Variants in RORA observed in about 807,000 individuals in gnomAD.
RORA encodes RAR related orphan receptor A, also known as nuclear receptor ROR-alpha.
A neutral mutation model predicts 69.5 loss-of-function variants in RORA; 7 were observed. The observed-to-expected ratio is 0.10, with a 90% CI of 0.06 to 0.19. RORA has a LOEUF of 0.19. RORA is among the 10% of genes least tolerant of loss of function. The pLI is 1.00. For synonymous variants in RORA, 261 were observed against 240.8 expected (o/e 1.08, Z -0.78); for missense variants, 457 against 663.0 (o/e 0.69, Z 3.41).
intron 1 of RORA, among the ~76,000 whole-genome samples, chr15:60,701,846 A>G (rs1414236265): frequency 6.6e-6 from 1 of 152,220 alleles, no homozygotes; most frequent in East Asian, 1.9e-4. Context: ...TGAGGTTATC[A>G]GAGCCTGTTA....
intron 1 of RORA, among the ~76,000 whole-genome samples, chr15:61,210,090 C>T (rs1167528194): frequency 6.6e-6 from 1 of 152,152 alleles, no homozygotes; most frequent in Admixed American, 6.5e-5. Flanking sequence ...CAGATGCTCC[C>T]GGGATGCTGA....
intron 2 of RORA, among the ~76,000 whole-genome samples, chr15:60,662,806 T>C (rs1276345015): frequency 6.6e-6 from 1 of 152,228 alleles, no homozygotes. Flanking sequence ...TTGTCCATTT[T>C]TGTCCCCCTG....
intron 1 of RORA, among the ~76,000 whole-genome samples, chr15:60,775,908 TCTC>T (rs1413208851): frequency 6.6e-6 from 1 of 152,142 alleles, no homozygotes; most frequent in Non-Finnish European, 1.5e-5. Context: ...GGGAAAAACA[TCTC>T]CTACCTGGGG....
chr15:61,002,731 G>A lies in RORA; in HGVS notation c.166+226322C>T, dbSNP rs559508084. Among the ~76,000 whole-genome samples, 3 of 152,182 alleles carry A rather than the reference G, an allele frequency of 2.0e-5. No homozygotes were observed. In the East Asian group the frequency reaches 5.8e-4, roughly 29 times the overall value. The stretch of plus-strand genomic sequence containing the variant: ...GCAAAGTGAGCATTTCATCCATGGA[G>A]GTGATGCTCCAATTTGAAGAGTTAT... On this transcript the variant is annotated intron_variant, in intron 1 of 10. Coordinates refer to ENST00000335670, the MANE Select transcript of RORA (RefSeq NM_134261.3).
At chr15:60,642,832 C>G (rs951461098) in intron 2 of RORA, among the ~76,000 whole-genome samples, 1 of 152,148 alleles carries the variant, frequency 6.6e-6, no homozygotes, top group African/African-American at 2.4e-5. Context: ...GCTATGATCA[C>G]GCCATTGCAC....
chr15:60,923,312 G>A (rs1892106412), intron 1 of RORA, among the ~76,000 whole-genome samples: 1 of 152,328 alleles, frequency 6.6e-6, no homozygotes, highest in Non-Finnish European at 1.5e-5. Context: ...CCTCTAAGGA[G>A]ATCATGAGTC....
intron 2 of RORA, among the ~76,000 whole-genome samples, chr15:60,639,413 G>T (rs1290171506): frequency 6.6e-6 from 1 of 152,044 alleles, no homozygotes; most frequent in East Asian, 1.9e-4. Flanking sequence ...CCCGTTTCGT[G>T]GGGTGTAGAG....
intron 3 of RORA, among the ~76,000 whole-genome samples, chr15:60,517,101 T>A (rs2065986231): frequency 7.9e-6 from 1 of 126,226 alleles, no homozygotes; most frequent in Non-Finnish European, 1.6e-5. Flanking sequence ...TTCTTTTTGT[T>A]CATCTGTGCT....
At chr15:60,849,113 C>G (rs1395794560) in intron 1 of RORA, 2 of 152,244 alleles carry the variant, frequency 1.3e-5, no homozygotes, top group African/African-American at 4.8e-5. Context: ...CTTTTTGTAT[C>G]CTTTGCTGCT....
chr15:60,965,530 G>T (rs1893530501), intron 1 of RORA, among the ~76,000 whole-genome samples: 1 of 152,150 alleles, frequency 6.6e-6, no homozygotes, highest in Non-Finnish European at 1.5e-5. Flanking sequence ...CACATTGGAA[G>T]AACTTAATAT....
intron 1 of RORA, among the ~76,000 whole-genome samples, chr15:61,009,932 T>C (rs968976364): frequency 2.0e-5 from 3 of 152,032 alleles, no homozygotes; most frequent in African/African-American, 4.8e-5. Flanking sequence ...GGAAAAAAAA[T>C]TGGAGTCTTC....
intron 1 of RORA, among the ~76,000 whole-genome samples, chr15:60,833,782 G>T (rs1013685581): frequency 4.6e-5 from 7 of 152,230 alleles, no homozygotes; most frequent in African/African-American, 1.7e-4. Flanking sequence ...CAGGGAGGAA[G>T]AGTGGTTGAG....
chr15:60,699,424 T>A (rs2070951098), intron 1 of RORA, among the ~76,000 whole-genome samples: 1 of 152,204 alleles, frequency 6.6e-6, no homozygotes, highest in African/African-American at 2.4e-5. Context: ...ACCAACTATC[T>A]TATGTCTTTC....
At chr15:61,090,209 T>C (rs2078685073) in intron 1 of RORA, among the ~76,000 whole-genome samples, 1 of 152,214 alleles carries the variant, frequency 6.6e-6, no homozygotes, top group Non-Finnish European at 1.5e-5. Flanking sequence ...TTTCACCAAT[T>C]CCTGGGTCAG....
chr15:60,570,045 C>T (rs896499063), intron 2 of RORA, among the ~76,000 whole-genome samples: 7 of 152,180 alleles, frequency 4.6e-5, no homozygotes, highest in African/African-American at 1.4e-4. Context: ...ACAATGTGAG[C>T]GTGAGATCCT....
chr15:60,693,695 T>C (rs1206137041), intron 1 of RORA, among the ~76,000 whole-genome samples: 1 of 151,964 alleles, frequency 6.6e-6, no homozygotes, highest in Non-Finnish European at 1.5e-5. Context: ...CATGCAGAAG[T>C]GCTACAAAGA....
At chr15:60,884,608 G>A (rs1322356771) in intron 1 of RORA, among the ~76,000 whole-genome samples, 1 of 152,146 alleles carries the variant, frequency 6.6e-6, no homozygotes, top group African/African-American at 2.4e-5. Context: ...AGGGAGATGT[G>A]GACAGCCTGT....
chr15:61,092,320 A>T (rs1454735196), intron 1 of RORA, among the ~76,000 whole-genome samples: 1 of 152,236 alleles, frequency 6.6e-6, no homozygotes, highest in Non-Finnish European at 1.5e-5. Context: ...CTAATCAAGG[A>T]AACTTCTAGT....
At chr15:61,086,123 G>C (rs1471125014) in intron 1 of RORA, among the ~76,000 whole-genome samples, 2 of 152,210 alleles carry the variant, frequency 1.3e-5, no homozygotes, top group Non-Finnish European at 2.9e-5. Flanking sequence ...TATTTACCTT[G>C]TTCCCCGCTC....
Sources: allele counts gnomAD v4.1 joint callset (sites outside exome capture counted in the v4.1 genomes callset), GRCh38; gene constraint gnomAD v4.1.1; transcripts MANE v1.5; gene names NCBI Gene and HGNC (gene_info 2026-07-23, HGNC 2026-07-21).